The following GPATCH2L variants were observed in gnomAD, a reference collection of about 807,000 sequenced individuals.
GPATCH2L encodes G-patch domain containing 2 like.
GPATCH2L carries 31 observed loss-of-function variants against 57.4 expected under a neutral mutation model. The observed-to-expected ratio is 0.54, with a 90% CI of 0.41 to 0.73. The LOEUF is 0.73. GPATCH2L is among the 30% of genes least tolerant of loss of function. GPATCH2L has a pLI of 0.00. For missense variants in GPATCH2L, 481 were observed against 599.9 expected (o/e 0.80, Z 2.07); for synonymous variants, 199 against 210.7 (o/e 0.94, Z 0.48).
chr14:76,173,671 C>A, intron 5 of GPATCH2L, 46 bp downstream of exon 5: 1 of 1,155,616 alleles, frequency 8.7e-7, no homozygotes, highest in Non-Finnish European at 1.3e-6. Context: ...AGATAATATT[C>A]CCTATGGGAG....
chr14:76,200,302 T>C lies in GPATCH2L; in HGVS notation c.1289-1389T>C, dbSNP rs78455378. Among the ~76,000 whole-genome samples the C allele has an allele frequency of 5.3e-4, 81 of 152,296 alleles. 1 individual carries two copies. In the East Asian group the frequency reaches 0.014, roughly 26 times the overall value. On this transcript the variant is annotated intron_variant, in intron 9 of 9. Coordinates refer to ENST00000261530, the MANE Select transcript of GPATCH2L (RefSeq NM_017926.4). ...TACTTAATGCGACTGAACTGTACAG[T>C]TAAAAATGGATAAGATAGCAAATTT...
intron 2 of GPATCH2L, among the ~76,000 whole-genome samples, chr14:76,230,712 T>G (rs1380010095): frequency 6.6e-6 from 1 of 152,264 alleles, no homozygotes; most frequent in East Asian, 1.9e-4. Flanking sequence ...ATTGCCAGTT[T>G]ACCAGTGCCA....
chr14:76,196,029 A>G (rs754456279), intron 9 of GPATCH2L, 57 bp downstream of exon 9: 4 of 1,238,898 alleles, frequency 3.2e-6, no homozygotes, highest in African/African-American at 1.6e-5. Flanking sequence ...GCACTAAATT[A>G]TGTGTTTTGT....
intron 2 of GPATCH2L, among the ~76,000 whole-genome samples, chr14:76,162,700 A>G (rs2038649994): frequency 6.6e-6 from 1 of 152,208 alleles, no homozygotes; most frequent in South Asian, 2.1e-4. Context: ...TTTCAAAGGA[A>G]GATCATTCAG....
intron 2 of GPATCH2L, among the ~76,000 whole-genome samples, chr14:76,162,120 G>A (rs2038616148): frequency 1.5e-5 from 1 of 67,146 alleles, no homozygotes; most frequent in South Asian, 8.2e-4. Flanking sequence ...TAGCTGGATG[G>A]TTCTGGTTCA....
At chr14:76,158,541 A>T (rs12147952) in intron 2 of GPATCH2L, among the ~76,000 whole-genome samples, 2 of 152,280 alleles carry the variant, frequency 1.3e-5, no homozygotes, top group African/African-American at 4.8e-5. Context: ...TGGGTGATCA[A>T]TAACACTCTA....
chr14:76,230,530 C>T (rs747039364), intron 2 of GPATCH2L: 2 of 152,042 alleles, frequency 1.3e-5, no homozygotes, highest in Non-Finnish European at 2.9e-5. Flanking sequence ...CTTGTGGTCA[C>T]ATTGATCCTC....
In GPATCH2L at chr14:76,222,005, A is replaced by G. The variant is rs112297192; in HGVS notation, c.66-7803A>G. Among the ~76,000 whole-genome samples, 791 of 152,324 alleles carry G rather than the reference A, an allele frequency of 5.2e-3. 7 individuals are homozygous for G. Among genetic ancestry groups the G allele is most frequent in the African/African-American group, 0.018 (738 of 41,584 alleles). ...GATAAAGATGTGTAACTGTTTTATG[A>G]TAATGTGTTGATTGTAACAAATGTA... On this transcript the variant is annotated intron_variant and NMD_transcript_variant, in intron 1 of 3. Transcript: ENST00000556372.
chr14:76,157,234 C>T (rs915328901), intron 2 of GPATCH2L, among the ~76,000 whole-genome samples: 2 of 152,156 alleles, frequency 1.3e-5, no homozygotes, highest in Non-Finnish European at 2.9e-5. Context: ...TGTATTTTTT[C>T]CCCCTGAATC....
intron 1 of GPATCH2L, among the ~76,000 whole-genome samples, chr14:76,219,439 C>G (rs1315726486): frequency 6.6e-6 from 1 of 152,098 alleles, no homozygotes; most frequent in Non-Finnish European, 1.5e-5. Flanking sequence ...AATAGATGCT[C>G]TCATACATTG....
intron 1 of GPATCH2L, among the ~76,000 whole-genome samples, chr14:76,219,466 G>A (rs2040504336): frequency 6.6e-6 from 1 of 152,148 alleles, no homozygotes; most frequent in African/African-American, 2.4e-5. Flanking sequence ...CTAGTGCCAA[G>A]TATAAAGAGT....
rs567065091 is a variant in GPATCH2L at position 76,187,912 on chromosome 14, T to G, written c.1193+7063T>G. On this transcript the variant is annotated intron_variant, in intron 8 of 9. Transcript: ENST00000261530. ...GGTAACCCTCCTTCTACTCTTTATC[T>G]CCATTAGTTCAATTGTTTTGATTTT... 5.9e-5 allele frequency among the ~76,000 whole-genome samples: 9 copies of G among 152,224 alleles called. No individual in the cohort carries two copies. The East Asian group carries it at 1.7e-3, about 29-fold the overall frequency.
At chr14:76,234,460 T>C (rs1253458978) in intron 2 of GPATCH2L, 2 of 152,338 alleles carry the variant, frequency 1.3e-5, no homozygotes, top group East Asian at 3.9e-4. Context: ...ATGGTTATGT[T>C]ATAGAAGAGT....
intron 2 of GPATCH2L, among the ~76,000 whole-genome samples, chr14:76,165,770 T>C (rs1402055353): frequency 6.6e-6 from 1 of 152,210 alleles, no homozygotes; most frequent in East Asian, 1.9e-4. Flanking sequence ...TTCAGATTTT[T>C]GATCCAGGAA....
At chr14:76,184,606 A>G (rs2039699622) in intron 8 of GPATCH2L, among the ~76,000 whole-genome samples, 1 of 152,230 alleles carries the variant, frequency 6.6e-6, no homozygotes. Context: ...ATAACATTTT[A>G]TTGATGTAGC....
intron 2 of GPATCH2L, among the ~76,000 whole-genome samples, chr14:76,233,261 T>C (rs1280740501): frequency 1.3e-5 from 2 of 152,208 alleles, no homozygotes; most frequent in Non-Finnish European, 2.9e-5. Context: ...CCAATTTGTT[T>C]TCCATTCCTC....
rs1436664224 is a variant in GPATCH2L, at chr14:76,203,608, T to G, written c.*1757T>G. On this transcript the variant is annotated 3_prime_UTR_variant, in exon 10 of 10. Transcript: ENST00000261530. ...TGCTGAAGCTGGCCCAGCATGCCTC[T>G]GAGTCACCCCTGGCTCTCATGCAGC... The G allele has an allele frequency of 6.6e-6, 1 of 152,508 alleles. No homozygotes were observed. Among genetic ancestry groups the G allele is most frequent in the East Asian group, 1.9e-4 (1 of 5,200 alleles). The allele number at this position is 152,508 out of a possible 1,614,324, so 9.4% of individuals were successfully genotyped here. A position where few individuals can be genotyped will look rare whatever the true frequency, so the allele number is the denominator to read the frequency against.
chr14:76,153,694 C>T (rs2038161210), intron 1 of GPATCH2L: 1 of 152,190 alleles, frequency 6.6e-6, no homozygotes, highest in Admixed American at 6.5e-5. Context: ...TAGTTGGTAC[C>T]AGAATGGGCG....
intron 1 of GPATCH2L, among the ~76,000 whole-genome samples, chr14:76,222,150 A>G (rs920459441): frequency 2.0e-5 from 3 of 152,210 alleles, no homozygotes; most frequent in Non-Finnish European, 2.9e-5. Flanking sequence ...TAAAAATAGA[A>G]AAAAGGCACA....
Sources: gnomAD v4.1 joint callset for allele counts (sites outside exome capture counted in the v4.1 genomes callset) on GRCh38, gnomAD v4.1.1 for gene constraint, MANE v1.5 for transcripts, NCBI Gene and HGNC (gene_info 2026-07-23, HGNC 2026-07-21) for gene names.